MYO16: variants seen among roughly 807,000 people sequenced by gnomAD.
MYO16 encodes myosin XVI.
Under a neutral mutation model 205.3 loss-of-function variants are expected in MYO16, and 94 were observed. The observed-to-expected ratio is 0.46, with a 90% CI of 0.39 to 0.54. MYO16 has a LOEUF of 0.54. Ranked by LOEUF, MYO16 falls within the 20% of genes least tolerant of loss-of-function variation. The pLI, the probability that MYO16 is intolerant of heterozygous loss-of-function variation, is 0.00. For synonymous variants in MYO16, 988 were observed against 954.0 expected (o/e 1.04, Z -0.66); for missense variants, 2,315 against 2,387.5 (o/e 0.97, Z 0.63).
chr13:109,120,938 T>G (rs931932305), intron 29 of MYO16, among the ~76,000 whole-genome samples: 1 of 152,148 alleles, frequency 6.6e-6, no homozygotes, highest in Non-Finnish European at 1.5e-5. Context: ...TAGTCCCAGC[T>G]ACTCAGGAGA....
intron 10 of MYO16, 157 bp from the exon 11 acceptor site, chr13:108,855,286 T>A: frequency 4.9e-6 from 2 of 408,192 alleles, no homozygotes; most frequent in Non-Finnish European, 8.8e-6. Flanking sequence ...GTTTTTTTTT[T>A]TTTTCTTTTT....
At chr13:109,084,639 G>A (rs1888382093) in intron 27 of MYO16, among the ~76,000 whole-genome samples, 2 of 151,796 alleles carry the variant, frequency 1.3e-5, no homozygotes, top group Admixed American at 6.6e-5. Context: ...ATACATATAA[G>A]TAAACATTGT....
intron 1 of MYO16, among the ~76,000 whole-genome samples, chr13:108,638,490 C>T (rs1194147948): frequency 6.6e-6 from 1 of 152,110 alleles, no homozygotes; most frequent in Non-Finnish European, 1.5e-5. Flanking sequence ...TGTACTGAAA[C>T]ATCAAACTCT....
the MYO16 span, among the ~76,000 whole-genome samples, chr13:108,582,915 A>G: frequency 6.6e-6 from 1 of 152,182 alleles, no homozygotes; most frequent in African/African-American, 2.4e-5. Context: ...ATTCACCCCA[A>G]ATTGGAGTTA....
At chr13:109,019,683 C>G (rs1196509714) in intron 22 of MYO16, 28 bp from the exon 23 acceptor site, 6 of 1,564,872 alleles carry the variant, frequency 3.8e-6, no homozygotes, top group Non-Finnish European at 5.3e-6. Flanking sequence ...ATAGACAAAA[C>G]AACTCCCCAT....
intron 12 of MYO16, among the ~76,000 whole-genome samples, chr13:108,867,522 G>T (rs1159172291): frequency 6.6e-6 from 1 of 152,224 alleles, no homozygotes; most frequent in East Asian, 1.9e-4. Flanking sequence ...AGACGCTAGG[G>T]CAAGGGAATC....
chr13:108,904,812 G>C (rs1021018936), intron 15 of MYO16, among the ~76,000 whole-genome samples: 2 of 152,106 alleles, frequency 1.3e-5, no homozygotes, highest in Non-Finnish European at 2.9e-5. Flanking sequence ...CTTAGGGCCT[G>C]TTCCTGGAAA....
chr13:108,666,228 T>A (rs1021693066), intron 2 of MYO16, 79 bp downstream of exon 2: 1 of 1,436,758 alleles, frequency 7.0e-7, no homozygotes, highest in African/African-American at 1.4e-5. Flanking sequence ...GTTTTTTTGA[T>A]GGAGAGATGG....
intron 31 of MYO16, among the ~76,000 whole-genome samples, chr13:109,136,832 T>TTTGTTC (rs1318819497): frequency 1.3e-5 from 2 of 152,198 alleles, no homozygotes; most frequent in Non-Finnish European, 2.9e-5. Context: ...TTTTTTTGTT[T>TTTGTTC]TTGTTTTTGT....
intron 1 of MYO16, among the ~76,000 whole-genome samples, chr13:108,613,302 CTGAT>C (rs1220020671): frequency 7.2e-5 from 11 of 152,140 alleles, no homozygotes; most frequent in Non-Finnish European, 1.3e-4. Flanking sequence ...ATGTAAATGA[CTGAT>C]TGTGTCTAAA....
intron 20 of MYO16, among the ~76,000 whole-genome samples, chr13:108,972,249 C>CTCTCTATATATA (rs1178345437): frequency 1.1e-3 from 3 of 2,850 alleles, no homozygotes; most frequent in Non-Finnish European, 1.8e-3. Flanking sequence ...CTCTCTCTCT[C>CTCTCTATATATA]TATATATATA....
intron 11 of MYO16, among the ~76,000 whole-genome samples, chr13:108,861,415 T>C (rs1266236731): frequency 1.3e-5 from 2 of 152,212 alleles, no homozygotes; most frequent in Admixed American, 1.3e-4. Flanking sequence ...ATTTATCCAC[T>C]CTATACTTGA....
chr13:109,178,199 T>C (rs1879296917), intron 33 of MYO16, among the ~76,000 whole-genome samples: 1 of 152,168 alleles, frequency 6.6e-6, no homozygotes, highest in African/African-American at 2.4e-5. Context: ...TCCTGTGTCC[T>C]GCCACCACAG....
chr13:108,720,321 G>A (rs1278519392), intron 3 of MYO16, among the ~76,000 whole-genome samples: 1 of 152,162 alleles, frequency 6.6e-6, no homozygotes, highest in Admixed American at 6.5e-5. Context: ...CAAGCGTATG[G>A]AAGTTCCAGA....
chr13:108,899,997 G>T (rs1880629683), intron 15 of MYO16, among the ~76,000 whole-genome samples: 1 of 152,194 alleles, frequency 6.6e-6, no homozygotes, highest in Non-Finnish European at 1.5e-5. Flanking sequence ...TCGTGTTTAT[G>T]CACAACTAGT....
intron 20 of MYO16, among the ~76,000 whole-genome samples, chr13:108,973,799 A>G (rs1884144503): frequency 6.6e-6 from 1 of 152,232 alleles, no homozygotes; most frequent in Non-Finnish European, 1.5e-5. Context: ...CGGCACTAAT[A>G]AGATTGTAAC....
intron 17 of MYO16, among the ~76,000 whole-genome samples, chr13:108,960,630 G>A (rs1054046242): frequency 1.5e-4 from 23 of 152,152 alleles, no homozygotes; most frequent in African/African-American, 5.6e-4. Context: ...CAGTAGTTAG[G>A]GAAGGAGTTT....
chr13:108,687,954 C>T (rs1035427618), intron 2 of MYO16, among the ~76,000 whole-genome samples: 11 of 152,096 alleles, frequency 7.2e-5, no homozygotes, highest in Non-Finnish European at 1.0e-4. Context: ...AACCATATTA[C>T]ATGAGGAAGA....
rs537057276 is a variant in MYO16 at position 108,793,537 on chromosome 13, G to A, written c.638G>A (p.Arg213His). Residue 213 changes from arginine (R) to histidine (H), a missense_variant, in exon 6 of 35, where the codon CGC becomes CAC. Arg to His is a conservative substitution (Grantham distance 29, BLOSUM62 0). Coordinates refer to ENST00000457511, the MANE Select transcript of MYO16 (RefSeq NM_001198950.3). ...DENGVDLTSL[R>H]QMKLQRPMSM... is the part of the protein sequence containing the mutation. ...ACAGGAGTGGATTTGACCTCACTGCGCCAGATGAAGCTTCAGAGACCAATG... is the reference window on the plus strand; with the variant it reads ...ACAGGAGTGGATTTGACCTCACTGCACCAGATGAAGCTTCAGAGACCAATG... 118 of 1,613,670 alleles carry A rather than the reference G, an allele frequency of 7.3e-5. No individual in the cohort carries two copies. Among genetic ancestry groups the A allele is most frequent in the South Asian group, 5.8e-4 (53 of 91,060 alleles).
Sources: allele counts gnomAD v4.1 joint callset (sites outside exome capture counted in the v4.1 genomes callset), GRCh38; gene constraint gnomAD v4.1.1; transcripts MANE v1.5; gene names NCBI Gene and HGNC (gene_info 2026-07-23, HGNC 2026-07-21).